ALK: variants seen among roughly 807,000 people sequenced by gnomAD.
The protein encoded by ALK is ALK receptor tyrosine kinase, also known as ALK tyrosine kinase receptor.
In ALK, 74 loss-of-function variants were observed where a neutral mutation model predicts 163.1. The observed-to-expected ratio is 0.45, with a 90% confidence interval of 0.38 to 0.55. The LOEUF (loss-of-function observed/expected upper bound fraction) is 0.55. Ranked by LOEUF, ALK falls within the 20% of genes least tolerant of loss-of-function variation. The probability of loss-of-function intolerance (pLI) is 0.00; values close to 1 mark genes in which losing one functional copy is unlikely to be tolerated. For synonymous variants in ALK, 960 were observed against 843.2 expected, an observed-to-expected ratio of 1.14 and a Z score of -2.40; for missense variants, 2,063 against 2,105.3, an observed-to-expected ratio of 0.98 and a Z score of 0.39.
intron 1 of ALK, among the ~76,000 whole-genome samples, chr2:29,837,313 C>T (rs886710099): frequency 1.1e-4 from 17 of 152,114 alleles, no homozygotes; most frequent in African/African-American, 4.1e-4. Flanking sequence ...GGATTTGGAG[C>T]TACTGAGGTG....
At chr2:29,726,380 C>T (rs1679576143) in intron 1 of ALK, among the ~76,000 whole-genome samples, 1 of 152,140 alleles carries the variant, frequency 6.6e-6, no homozygotes, top group Non-Finnish European at 1.5e-5. Context: ...TCTCAGAGAG[C>T]TTTACCAAGC....
chr2:29,413,821 C>A (rs1384489708), intron 4 of ALK, among the ~76,000 whole-genome samples: 1 of 152,166 alleles, frequency 6.6e-6, no homozygotes, highest in Non-Finnish European at 1.5e-5. Context: ...GCTTGAGGCA[C>A]CTCACCCAGC....
At chr2:29,408,665 G>T (rs548355501) in intron 4 of ALK, among the ~76,000 whole-genome samples, 1 of 152,212 alleles carries the variant, frequency 6.6e-6, no homozygotes, top group African/African-American at 2.4e-5. Flanking sequence ...TCCATGATAT[G>T]CGCTGATGAT....
At chr2:29,312,958 TGACCA>T in intron 8 of ALK, among the ~76,000 whole-genome samples, 1 of 152,210 alleles carries the variant, frequency 6.6e-6, no homozygotes, top group African/African-American at 2.4e-5. Flanking sequence ...CCCAAATACC[TGACCA>T]AAGGGACTTG....
intron 2 of ALK, among the ~76,000 whole-genome samples, chr2:29,695,683 C>T (rs1456013109): frequency 1.3e-5 from 2 of 152,110 alleles, no homozygotes; most frequent in African/African-American, 4.8e-5. Context: ...AAACAAACAA[C>T]CCCATCAAAA....
intron 5 of ALK, among the ~76,000 whole-genome samples, chr2:29,361,269 T>C (rs1057094621): frequency 6.6e-6 from 1 of 152,196 alleles, no homozygotes; most frequent in African/African-American, 2.4e-5. Flanking sequence ...CATTTTAGTA[T>C]CCGGGAAAAA....
intron 4 of ALK, among the ~76,000 whole-genome samples, chr2:29,428,793 C>T (rs771727654): frequency 6.6e-6 from 1 of 151,952 alleles, no homozygotes; most frequent in African/African-American, 2.4e-5. Flanking sequence ...CAGAACCAGA[C>T]AAAGTTATTA....
chr2:29,531,856 G>A (rs1014416653), intron 4 of ALK, 59 bp downstream of exon 4: 43 of 1,572,944 alleles, frequency 2.7e-5, no homozygotes, highest in Non-Finnish European at 3.6e-5. Context: ...CTGGAAATGT[G>A]TAACCAAAAG....
At chr2:29,834,997 C>T (rs1405736293) in intron 1 of ALK, among the ~76,000 whole-genome samples, 1 of 152,206 alleles carries the variant, frequency 6.6e-6, no homozygotes. Context: ...TAGACAAGCT[C>T]GCAGAGCCTT....
intron 1 of ALK, among the ~76,000 whole-genome samples, chr2:29,853,853 A>G (rs1320349579): frequency 1.4e-5 from 2 of 147,064 alleles, no homozygotes; most frequent in African/African-American, 2.5e-5. Flanking sequence ...GTCCCTCCCC[A>G]CCTCCTGGCT....
intron 13 of ALK, among the ~76,000 whole-genome samples, chr2:29,234,988 C>T (rs1339772516): frequency 6.6e-6 from 1 of 152,264 alleles, no homozygotes; most frequent in African/African-American, 2.4e-5. Context: ...GCTGGGATTA[C>T]AGGCGTGAGC....
intron 4 of ALK, among the ~76,000 whole-genome samples, chr2:29,525,200 G>T (rs1219622156): frequency 6.6e-6 from 1 of 152,210 alleles, no homozygotes; most frequent in Non-Finnish European, 1.5e-5. Flanking sequence ...ATGTAGGCAG[G>T]ATTAGGCCAG....
chr2:29,742,555 G>A (rs1186348094), intron 1 of ALK, among the ~76,000 whole-genome samples: 10 of 152,150 alleles, frequency 6.6e-5, no homozygotes. Context: ...CTTTATATCT[G>A]TATGTTAGAT....
chr2:29,887,936 A>G (rs2148422450), intron 1 of ALK, among the ~76,000 whole-genome samples: 1 of 152,334 alleles, frequency 6.6e-6, no homozygotes, highest in African/African-American at 2.4e-5. Flanking sequence ...AAGAGAACCT[A>G]AAAGGGCTAC....
In ALK at chr2:29,225,536, G is replaced by A. The variant is rs139365887; in HGVS notation, c.3097C>T (p.Leu1033Phe). 2.5e-6 allele frequency: 4 copies of A among 1,612,072 alleles called. No individual in the cohort carries two copies. The highest frequency in any genetic ancestry group is 1.1e-5 in the South Asian group (1 of 90,146). The change falls in exon 19 of 29, where the codon CTC becomes TTC. Residue 1033 changes from leucine (L) to phenylalanine (F), a missense_variant. Coordinates refer to ENST00000389048, the MANE Select transcript of ALK (RefSeq NM_004304.5). ...GTCACCACAGAGAGGATCAGCGAGAGTGGCAGGTGTGGCTCCGGGGTGGGT... is the reference window on the plus strand; with the variant it reads ...GTCACCACAGAGAGGATCAGCGAGAATGGCAGGTGTGGCTCCGGGGTGGGT... ...VSPTPEPHLP[L>F]SLILSVVTSA... is the part of the protein sequence containing the mutation.
rs535777101 is a variant in ALK, at chr2:29,685,921, C to A, written c.952+8929G>T. ...CGGCTTCTTCCTCCATCTTCAAATC[C>A]AGCAATGTGACCTCCTTAAATCTCC... On this transcript the variant is annotated intron_variant, in intron 3 of 28. Transcript: ENST00000389048. 2.0e-5 allele frequency among the ~76,000 whole-genome samples: 3 copies of A among 152,260 alleles called. No homozygotes were observed. In the East Asian group the frequency reaches 5.8e-4, roughly 29 times the overall value.
At chr2:29,231,583 A>T (rs192813942) in intron 15 of ALK, among the ~76,000 whole-genome samples, 30 of 150,370 alleles carry the variant, frequency 2.0e-4, no homozygotes, top group Admixed American at 1.1e-3. Context: ...TGGACCCATG[A>T]CTGTTTCTAC....
chr2:29,280,945 T>C (rs1259556997), intron 9 of ALK, among the ~76,000 whole-genome samples: 2 of 150,298 alleles, frequency 1.3e-5, no homozygotes, highest in Non-Finnish European at 3.0e-5. Context: ...AAGGTTCTGG[T>C]ATGTACCAGG....
At chr2:29,914,241 A>C (rs1667775652) in intron 1 of ALK, among the ~76,000 whole-genome samples, 1 of 152,210 alleles carries the variant, frequency 6.6e-6, no homozygotes, top group Non-Finnish European at 1.5e-5. Flanking sequence ...TTCCATGGTG[A>C]AATGGTAGAA....
Sources: allele counts gnomAD v4.1 joint callset (sites outside exome capture counted in the v4.1 genomes callset), GRCh38; gene constraint gnomAD v4.1.1; transcripts MANE v1.5; gene names NCBI Gene and HGNC (gene_info 2026-07-23, HGNC 2026-07-21).